SBF2: variants seen among roughly 807,000 people sequenced by gnomAD.
SBF2 encodes SET binding factor 2.
A neutral mutation model predicts 225.2 loss-of-function variants in SBF2; 112 were observed. That is an observed-to-expected ratio of 0.50 (90% confidence interval 0.43 to 0.58). The LOEUF is 0.58. Ranked by LOEUF, SBF2 falls within the 20% of genes least tolerant of loss-of-function variation. The pLI is 0.00. For missense variants in SBF2, 1,996 were observed against 2,206.2 expected (o/e 0.90, Z 1.91); for synonymous variants, 763 against 773.3 (o/e 0.99, Z 0.22).
At chr11:10,197,233 ATAGAT>A (rs1369692601) in intron 1 of SBF2, among the ~76,000 whole-genome samples, 2 of 152,130 alleles carry the variant, frequency 1.3e-5, no homozygotes, top group African/African-American at 4.8e-5. Context: ...ACTTTGATAG[ATAGAT>A]TGAGTTCTTT....
intron 39 of SBF2, 39 bp from the exon 40 acceptor site, chr11:9,780,555 A>C (rs1851938604): frequency 1.3e-6 from 2 of 1,566,050 alleles, no homozygotes; most frequent in Admixed American, 3.3e-5. Flanking sequence ...GATGAAGGGC[A>C]GGGCTGTTTT....
intron 17 of SBF2, among the ~76,000 whole-genome samples, chr11:9,862,747 T>A (rs1857865826): frequency 6.6e-6 from 1 of 152,140 alleles, no homozygotes; most frequent in Non-Finnish European, 1.5e-5. Flanking sequence ...AAATTTTTTT[T>A]ATTATTTTGT....
intron 16 of SBF2, among the ~76,000 whole-genome samples, chr11:9,906,376 T>C (rs1485633476): frequency 1.3e-5 from 2 of 152,116 alleles, no homozygotes; most frequent in African/African-American, 4.8e-5. Context: ...ATAATAATTT[T>C]CCACAAATTA....
At chr11:9,846,053 A>G (rs1226421320) in intron 23 of SBF2, among the ~76,000 whole-genome samples, 1 of 152,206 alleles carries the variant, frequency 6.6e-6, no homozygotes, top group Non-Finnish European at 1.5e-5. Context: ...GGTTCCAGAT[A>G]GAGAATTTGG....
At chr11:10,219,030 G>C (rs1958240781) in intron 1 of SBF2, among the ~76,000 whole-genome samples, 1 of 152,114 alleles carries the variant, frequency 6.6e-6, no homozygotes. Flanking sequence ...GAGGATGGTG[G>C]CCCTCTTCTC....
intron 26 of SBF2, 96 bp downstream of exon 26, chr11:9,839,402 A>G: frequency 8.2e-7 from 1 of 1,221,896 alleles, no homozygotes; most frequent in South Asian, 1.2e-5. Flanking sequence ...AGGCATTTTT[A>G]TCTATCTCAG....
chr11:9,997,595 A>G (rs1390558419), intron 9 of SBF2, among the ~76,000 whole-genome samples: 1 of 152,056 alleles, frequency 6.6e-6, no homozygotes, highest in Non-Finnish European at 1.5e-5. Context: ...TGACTAACAC[A>G]GTGAAACCCT....
intron 16 of SBF2, among the ~76,000 whole-genome samples, chr11:9,897,571 C>CA (rs1861368040): frequency 6.6e-6 from 1 of 152,058 alleles, no homozygotes; most frequent in African/African-American, 2.4e-5. Context: ...CAGTGGGGTC[C>CA]AATGTGGCCA....
chr11:10,286,494 G>T (rs924142446), intron 1 of SBF2, among the ~76,000 whole-genome samples: 1 of 151,800 alleles, frequency 6.6e-6, no homozygotes, highest in Middle Eastern at 3.4e-3. Context: ...CACGTAGCTG[G>T]GATTACAGGT....
chr11:10,199,207 A>AGAG (rs749921426), intron 1 of SBF2, among the ~76,000 whole-genome samples: 8 of 152,198 alleles, frequency 5.3e-5, no homozygotes, highest in Non-Finnish European at 1.0e-4. Flanking sequence ...CAAGGAATAG[A>AGAG]GAGGCCTGAG....
chr11:9,871,656 T>C (rs574574603), intron 17 of SBF2, among the ~76,000 whole-genome samples: 2 of 152,080 alleles, frequency 1.3e-5, no homozygotes, highest in Admixed American at 6.6e-5. Context: ...CATGCTCAGC[T>C]AATTTATTGT....
chr11:10,294,728 G>A (rs1207668315), upstream of SBF2, among the ~76,000 whole-genome samples: 1 of 152,220 alleles, frequency 6.6e-6, no homozygotes, highest in Non-Finnish European at 1.5e-5. Flanking sequence ...AATCCTCCAA[G>A]GAGCCTCGGG....
At chr11:10,093,270 C>A (rs905100160) in intron 2 of SBF2, among the ~76,000 whole-genome samples, 1 of 151,866 alleles carries the variant, frequency 6.6e-6, no homozygotes, top group African/African-American at 2.4e-5. Flanking sequence ...CAGCCTCAGC[C>A]TCCCAAAGTG....
chr11:10,302,624 C>G (rs1335941553), intron 1 of SBF2: 2 of 152,260 alleles, frequency 1.3e-5, no homozygotes, highest in Non-Finnish European at 1.5e-5. Context: ...CACTCCTGGG[C>G]TTGCTTTCCT....
chr11:9,845,215 C>G (rs1383165391), intron 24 of SBF2, among the ~76,000 whole-genome samples: 1 of 152,078 alleles, frequency 6.6e-6, no homozygotes, highest in Non-Finnish European at 1.5e-5. Flanking sequence ...TAGATAAAAG[C>G]AAATCTGTCC....
At chr11:9,972,118 T>C (rs1307002375) in intron 13 of SBF2, among the ~76,000 whole-genome samples, 2 of 152,204 alleles carry the variant, frequency 1.3e-5, no homozygotes, top group South Asian at 4.1e-4. Flanking sequence ...TTACTAGTAG[T>C]GTGACCTGGT....
intron 32 of SBF2, among the ~76,000 whole-genome samples, chr11:9,807,303 G>A (rs1011243472): frequency 3.9e-5 from 6 of 152,194 alleles, no homozygotes; most frequent in Non-Finnish European, 7.4e-5. Context: ...ATGAAGGCAG[G>A]AGGGAGCCTA....
chr11:10,206,167 C>T (rs1214182523), intron 1 of SBF2, among the ~76,000 whole-genome samples: 1 of 151,384 alleles, frequency 6.6e-6, no homozygotes, highest in Non-Finnish European at 1.5e-5. Flanking sequence ...TCCCCTCCCC[C>T]ACCAAGAGAC....
At chr11:9,859,177 A>AC (rs1363642375) in intron 17 of SBF2, among the ~76,000 whole-genome samples, 1 of 152,148 alleles carries the variant, frequency 6.6e-6, no homozygotes, top group East Asian at 1.9e-4. Context: ...TAGTTCCAAA[A>AC]CCCCTGCTCT....
Sources: gnomAD v4.1 joint callset for allele counts (sites outside exome capture counted in the v4.1 genomes callset) on GRCh38, gnomAD v4.1.1 for gene constraint, MANE v1.5 for transcripts, NCBI Gene and HGNC (gene_info 2026-07-23, HGNC 2026-07-21) for gene names.